The following ATP2B2 variants were observed in gnomAD, a reference collection of about 807,000 sequenced individuals.
ATP2B2 encodes ATPase plasma membrane Ca2+ transporting 2.
ATP2B2 carries 15 observed loss-of-function variants against 120.0 expected under a neutral mutation model. The ratio of observed to expected loss-of-function variants is 0.12; its 90% CI spans 0.08 to 0.19. The LOEUF (loss-of-function observed/expected upper bound fraction) is 0.19. Among genes scored for constraint, ATP2B2 ranks in the 10% least tolerant of loss-of-function variants. The pLI, the probability that ATP2B2 is intolerant of heterozygous loss-of-function variation, is 1.00. For synonymous variants in ATP2B2, 694 were observed against 700.3 expected (o/e 0.99, Z 0.14); for missense variants, 1,045 against 1,719.8 (o/e 0.61, Z 6.94).
intron 2 of ATP2B2, among the ~76,000 whole-genome samples, chr3:10,618,111 C>T (rs114674820): frequency 0.011 from 1,690 of 152,306 alleles, 25 homozygotes; most frequent in African/African-American, 0.036. Flanking sequence ...ATCCATTGTC[C>T]AGTCTTTTAC....
chr3:10,644,561 A>G (rs565833180), intron 1 of ATP2B2, among the ~76,000 whole-genome samples: 6 of 152,370 alleles, frequency 3.9e-5, no homozygotes, highest in African/African-American at 1.4e-4. Flanking sequence ...TGTACATGCA[A>G]TGGAATATTA....
chr3:10,585,962 T>C (rs2068501764), intron 2 of ATP2B2, among the ~76,000 whole-genome samples: 1 of 152,226 alleles, frequency 6.6e-6, no homozygotes, highest in Non-Finnish European at 1.5e-5. Flanking sequence ...ATCTCCAATC[T>C]AGAACCTTGC....
intron 2 of ATP2B2, among the ~76,000 whole-genome samples, chr3:10,565,743 T>C (rs2067996503): frequency 6.6e-6 from 1 of 152,214 alleles, no homozygotes; most frequent in South Asian, 2.1e-4. Flanking sequence ...TGGCTTCACC[T>C]ATTGCTAGCT....
intron 2 of ATP2B2, among the ~76,000 whole-genome samples, chr3:10,562,250 AG>A (rs2067918838): frequency 6.6e-6 from 1 of 152,176 alleles, no homozygotes; most frequent in South Asian, 2.1e-4. Context: ...GGCAGTGAGG[AG>A]GGCTCCTCAG....
chr3:10,351,640 C>A (rs556182084), intron 14 of ATP2B2, among the ~76,000 whole-genome samples: 2 of 152,294 alleles, frequency 1.3e-5, no homozygotes, highest in African/African-American at 4.8e-5. Context: ...CCCTAAGCCC[C>A]AGTACCTGTG....
intron 22 of ATP2B2, chr3:10,336,092 G>A: frequency 6.5e-7 from 1 of 1,545,444 alleles, no homozygotes; most frequent in Non-Finnish European, 8.7e-7. Flanking sequence ...GCTGGCGTGG[G>A]CAGTGCCAGC....
At chr3:10,518,332 C>A (rs535445920) in intron 3 of ATP2B2, among the ~76,000 whole-genome samples, 2,303 of 152,256 alleles carry the variant, frequency 0.015, 32 homozygotes, top group Admixed American at 0.035. Context: ...ATGTGCTTGC[C>A]CCCCTCCAAA....
At chr3:10,706,413 T>C (rs1299948834) in intron 1 of ATP2B2, among the ~76,000 whole-genome samples, 1 of 152,172 alleles carries the variant, frequency 6.6e-6, no homozygotes, top group Non-Finnish European at 1.5e-5. Flanking sequence ...CATCAGGTAT[T>C]GGTTTCTCCC....
At chr3:10,350,694 G>C in intron 14 of ATP2B2, 117 bp from the exon 15 acceptor site, 1 of 1,101,258 alleles carries the variant, frequency 9.1e-7, no homozygotes. Flanking sequence ...GGGACTAGAT[G>C]ACTATGAGAT....
intron 1 of ATP2B2, among the ~76,000 whole-genome samples, chr3:10,647,096 G>C (rs2070341700): frequency 6.6e-6 from 1 of 152,178 alleles, no homozygotes; most frequent in Non-Finnish European, 1.5e-5. Flanking sequence ...GGGGGAATGG[G>C]GGCAGCCCCT....
chr3:10,560,677 G>T (rs191414594), intron 2 of ATP2B2, among the ~76,000 whole-genome samples: 1 of 152,102 alleles, frequency 6.6e-6, no homozygotes, highest in East Asian at 1.9e-4. Flanking sequence ...CTCGCCATCC[G>T]CCTGAAGGAA....
At chr3:10,337,584 T>C (rs1390842336) in intron 22 of ATP2B2, among the ~76,000 whole-genome samples, 1 of 152,154 alleles carries the variant, frequency 6.6e-6, no homozygotes, top group Non-Finnish European at 1.5e-5. Context: ...AGAAACCTGC[T>C]TCTGGCTGGC....
intron 1 of ATP2B2, among the ~76,000 whole-genome samples, chr3:10,692,084 CAG>C (rs757946873): frequency 2.7e-5 from 4 of 150,930 alleles, no homozygotes; most frequent in Admixed American, 1.3e-4. Context: ...TATATTAAAT[CAG>C]AGAGAGAGAG....
chr3:10,681,071 T>G (rs2071370757), intron 1 of ATP2B2, among the ~76,000 whole-genome samples: 1 of 152,146 alleles, frequency 6.6e-6, no homozygotes, highest in African/African-American at 2.4e-5. Context: ...CTGCTCCCCT[T>G]TCACTTTCCG....
At chr3:10,669,763 C>T (rs1303809285) in intron 1 of ATP2B2, among the ~76,000 whole-genome samples, 1 of 152,128 alleles carries the variant, frequency 6.6e-6, no homozygotes, top group Non-Finnish European at 1.5e-5. Context: ...ACCAAATTGT[C>T]ACCCCCACCC....
At chr3:10,609,439 G>A (rs1164463556) in intron 2 of ATP2B2, among the ~76,000 whole-genome samples, 2 of 152,238 alleles carry the variant, frequency 1.3e-5, no homozygotes, top group African/African-American at 4.8e-5. Context: ...AGCCTCCTCG[G>A]CGCGCCTGGC....
intron 2 of ATP2B2, among the ~76,000 whole-genome samples, chr3:10,604,709 A>G (rs2069015375): frequency 6.6e-6 from 1 of 152,218 alleles, no homozygotes; most frequent in Admixed American, 6.5e-5. Flanking sequence ...AAGACCAGGT[A>G]ACACTAGGCC....
In ATP2B2 at chr3:10,342,554, C is replaced by T. The variant is rs2060308805; in HGVS notation, c.2917+198G>A. 6.6e-6 allele frequency among the ~76,000 whole-genome samples: 1 copy of T among 152,126 alleles called. No individual in the cohort carries two copies. Among genetic ancestry groups the T allele is most frequent in the African/African-American group, 2.4e-5 (1 of 41,430 alleles). ...AGCCACTGATGGCTTTAGGGTTAGC[C>T]AGAGCTGGGACAGGGCCAGGCCCTG... On this transcript the variant is annotated intron_variant, in intron 19 of 22. Transcript: ENST00000360273. The surrounding 1 kb of genome is among the most constrained non-coding windows in gnomAD (Gnocchi z 4.4).
At chr3:10,484,560 C>A (rs951585422) in intron 1 of ATP2B2, among the ~76,000 whole-genome samples, 1 of 152,114 alleles carries the variant, frequency 6.6e-6, no homozygotes, top group South Asian at 2.1e-4. Context: ...CACGGCCTGT[C>A]CCCAGGCTTC....
Sources: allele counts gnomAD v4.1 joint callset (sites outside exome capture counted in the v4.1 genomes callset), GRCh38; gene constraint gnomAD v4.1.1; non-coding constraint Gnocchi (gnomAD v3.1); transcripts MANE v1.5; gene names NCBI Gene and HGNC (gene_info 2026-07-23, HGNC 2026-07-21).